Variants in TBCD observed in about 807,000 individuals in gnomAD.
TBCD encodes the protein tubulin-specific chaperone D.
TBCD carries 105 observed loss-of-function variants against 169.3 expected under a neutral mutation model. That is an observed-to-expected ratio of 0.62 (90% CI 0.53 to 0.73). The LOEUF is 0.73. TBCD is among the 30% of genes least tolerant of loss of function. The pLI, the probability that TBCD is intolerant of heterozygous loss-of-function variation, is 0.00. For synonymous variants in TBCD, 700 were observed against 643.9 expected (o/e 1.09, Z -1.32); for missense variants, 1,444 against 1,600.1 (o/e 0.90, Z 1.66).
rs571790311 is a variant in TBCD at position 82,942,300 on chromosome 17, G to A, written c.3565-149G>A. ...GAGCACCTGTCAGCCACATAGCTCA[G>A]GCTGCCGGGTGTGTGGGAAACGGCA... On this transcript the variant is annotated intron_variant, in intron 38 of 38. Transcript: ENST00000355528. 57 of 1,136,408 alleles carry A rather than the reference G, an allele frequency of 5.0e-5. No homozygotes were observed. The African/African-American group carries it at 7.8e-4, about 15-fold the overall frequency. 70.4% of individuals were successfully genotyped at this position (1,136,408 alleles called of 1,614,324 possible).
rs2051009032 is a variant in TBCD, at chr17:82,806,921, C to G, written c.1088-687C>G. Among the ~76,000 whole-genome samples the G allele has an allele frequency of 6.6e-6, 1 of 152,212 alleles. No individual in the cohort carries two copies. The highest frequency in any genetic ancestry group is 2.1e-4 in the South Asian group (1 of 4,830). ...GGGCGGGGCCCTGGGTCTGCCCCTTCCCCGTGTCCGCAGCCTGCCCCAGGT... is the reference window on the plus strand; with the variant it reads ...GGGCGGGGCCCTGGGTCTGCCCCTTGCCCGTGTCCGCAGCCTGCCCCAGGT... On this transcript the variant is annotated intron_variant, in intron 10 of 38. Transcript: ENST00000355528. The surrounding 1 kb of genome is among the most constrained non-coding windows in gnomAD (Gnocchi z 5.1).
At position 82,832,643 on chromosome 17, in the gene TBCD, T is replaced by C; in HGVS notation, c.1318+17709T>C. 2 of 636,398 alleles carry C rather than the reference T, an allele frequency of 3.1e-6. No individual in the cohort carries two copies. The highest frequency in any genetic ancestry group is 1.9e-5 in the South Asian group (1 of 54,044). The allele number at this position is 636,398 out of a possible 1,614,324, so 39.4% of individuals were successfully genotyped here. ...GTCATCTGGCGGCTGGGAGCTGTAA[T>C]AAAGAGCAGTCTTGGTGTCAGGACA... On this transcript the variant is annotated intron_variant, in intron 13 of 38. Transcript: ENST00000355528. This position sits in a 1 kb window ranked among gnomAD's most constrained non-coding sequence, Gnocchi z 4.9.
intron 28 of TBCD, 30 bp from the exon 29 acceptor site, chr17:82,927,156 G>C (rs200557728): frequency 6.2e-7 from 1 of 1,613,616 alleles, no homozygotes; most frequent in East Asian, 2.2e-5. Context: ...ACCGATGTTT[G>C]TTTGTTAGCT....
At position 82,938,125 on chromosome 17, in the gene TBCD, C is replaced by T. The variant is rs533459814; in HGVS notation, c.3358C>T (p.Arg1120Cys). ...LLQLCLLLCHRFPLIRKTTAS... is the reference protein window; with the variant it reads ...LLQLCLLLCHCFPLIRKTTAS... ...GCAGCTGTGTCTGCTCCTCTGCCAC[C>T]GTTTCCCGCTGGTGAGTGCCTGCCC... The change falls in exon 36 of 39, where the codon CGT becomes TGT. Residue 1120 changes from arginine to cysteine, a missense_variant. Coordinates refer to ENST00000355528, the MANE Select transcript of TBCD (RefSeq NM_005993.5). The T allele has an allele frequency of 8.1e-6, 13 of 1,612,238 alleles. No individual in the cohort carries two copies. The highest frequency in any genetic ancestry group is 6.7e-5 in the East Asian group (3 of 44,870).
intron 13 of TBCD, among the ~76,000 whole-genome samples, chr17:82,822,760 C>G (rs1178425512): frequency 6.6e-6 from 1 of 152,204 alleles, no homozygotes; most frequent in Non-Finnish European, 1.5e-5. Context: ...AACTCAACGA[C>G]TTTGCTGTTC....
chr17:82,932,899 C>T, intron 34 of TBCD, 164 bp downstream of exon 34: 1 of 639,954 alleles, frequency 1.6e-6, no homozygotes, highest in Non-Finnish European at 2.7e-6. Context: ...AGCTGGCCCT[C>T]AAAATAACGC....
intron 14 of TBCD, among the ~76,000 whole-genome samples, chr17:82,877,345 A>G (rs1322810330): frequency 6.6e-6 from 1 of 152,180 alleles, no homozygotes; most frequent in East Asian, 1.9e-4. Flanking sequence ...TAGCAGTTAT[A>G]TAACTTTTTT....
chr17:82,902,920 G>C (rs2059985790), intron 18 of TBCD, among the ~76,000 whole-genome samples: 1 of 152,162 alleles, frequency 6.6e-6, no homozygotes, highest in East Asian at 1.9e-4. Context: ...AGCCTCTTGA[G>C]CCGGTCCTGG....
intron 13 of TBCD, among the ~76,000 whole-genome samples, chr17:82,847,467 C>G (rs183400505): frequency 6.6e-6 from 1 of 151,304 alleles, no homozygotes; most frequent in Admixed American, 6.6e-5. Flanking sequence ...GTTGATTTGG[C>G]TCTTGTGGTG....
At chr17:82,917,557 G>A (rs2061136962) in intron 23 of TBCD, among the ~76,000 whole-genome samples, 1 of 152,220 alleles carries the variant, frequency 6.6e-6, no homozygotes, top group Non-Finnish European at 1.5e-5. Flanking sequence ...AGACATGACA[G>A]AAATGCTTTG....
intron 1 of TBCD, among the ~76,000 whole-genome samples, chr17:82,755,374 A>G (rs1435502725): frequency 6.6e-6 from 1 of 152,248 alleles, no homozygotes; most frequent in East Asian, 1.9e-4. Flanking sequence ...AAAGGAAGGG[A>G]TTCTCTACAG....
At chr17:82,758,399 A>AT (rs1440285858) in intron 2 of TBCD, among the ~76,000 whole-genome samples, 4,860 of 131,648 alleles carry the variant, frequency 0.037, 196 homozygotes, top group Non-Finnish European at 0.054. Context: ...AAAAAAAAAA[A>AT]AAAATAAATA....
At chr17:82,805,794 A>G (rs1456124986) in intron 9 of TBCD, 81 bp from the exon 10 acceptor site, 7 of 1,497,468 alleles carry the variant, frequency 4.7e-6, no homozygotes, top group Non-Finnish European at 6.4e-6. Flanking sequence ...TTAAGATTCA[A>G]AGTGACACTG....
At position 82,832,062 on chromosome 17, in the gene TBCD, G is replaced by A. The variant is rs1164641862; in HGVS notation, c.1318+17128G>A. 1 of 1,613,902 alleles carries A rather than the reference G, an allele frequency of 6.2e-7. No individual in the cohort carries two copies. Among genetic ancestry groups the A allele is most frequent in the African/African-American group, 1.3e-5 (1 of 74,926 alleles). On this transcript the variant is annotated intron_variant, in intron 13 of 38. Transcript: ENST00000355528. This position sits in a 1 kb window ranked among gnomAD's most constrained non-coding sequence, Gnocchi z 4.9. ...TCTTGCAGGGTGATGCCCTGTGGAG[G>A]GCTGGCTTCTGTCCCAGGCACCTGT...
chr17:82,926,744 G>A, intron 28 of TBCD: 1 of 566,618 alleles, frequency 1.8e-6, no homozygotes, highest in Non-Finnish European at 3.1e-6. Context: ...CTGGCCCAAG[G>A]TTGGCAAAGA....
chr17:82,911,766 GAGGAC>G lies in TBCD; in HGVS notation c.2018_2022del (p.Gly673AlafsTer21). The G allele has an allele frequency of 6.2e-7, 1 of 1,613,924 alleles. No individual in the cohort carries two copies. The highest frequency in any genetic ancestry group is 8.5e-7 in the Non-Finnish European group (1 of 1,179,874). Reference sequence around the variant, plus strand: ...TTTTCATTCCTTTTCAGGGGTCTGGGAGGACAGCTCATGAGACAAGCAGGTAAGTC... The same window carrying G: ...TTTTCATTCCTTTTCAGGGGTCTGGGAGCTCATGAGACAAGCAGGTAAGTC... On this transcript the variant is annotated frameshift_variant, in exon 23 of 39. Transcript: ENST00000355528. LOFTEE classifies it high-confidence loss of function.
chr17:82,887,168 T>TGTGTGTGTGTGCGCGCGCGCGCGCGCGC, intron 15 of TBCD, among the ~76,000 whole-genome samples: 1 of 126,102 alleles, frequency 7.9e-6, no homozygotes, highest in Non-Finnish European at 1.7e-5. Flanking sequence ...TGTGTGTGTG[T>TGTGTGTGTGTGCGCGCGCGCGCGCGCGC]GCGCGCGCGC....
chr17:82,877,048 C>G (rs1373397300), intron 14 of TBCD: 1 of 862,194 alleles, frequency 1.2e-6, no homozygotes, highest in Non-Finnish European at 1.4e-6. Context: ...ATCAATGTTC[C>G]ACACTTTAAA....
intron 2 of TBCD, among the ~76,000 whole-genome samples, chr17:82,756,512 G>A (rs556834530): frequency 1.2e-4 from 18 of 151,724 alleles, no homozygotes; most frequent in African/African-American, 3.9e-4. Flanking sequence ...ACGGAGTCTC[G>A]CTCTGTCTCC....
Sources: gnomAD v4.1 joint callset for allele counts (sites outside exome capture counted in the v4.1 genomes callset) on GRCh38, gnomAD v4.1.1 for gene constraint, Gnocchi (gnomAD v3.1) non-coding constraint, MANE v1.5 for transcripts, NCBI Gene and HGNC (gene_info 2026-07-23, HGNC 2026-07-21) for gene names.